The following MCF2L variants were observed in gnomAD, a reference collection of about 807,000 sequenced individuals.
MCF2L encodes the protein MCF.2 cell line derived transforming sequence like.
In MCF2L, 97 loss-of-function variants were observed where a neutral mutation model predicts 153.4. That is an observed-to-expected ratio of 0.63 (90% CI 0.54 to 0.75). The LOEUF (loss-of-function observed/expected upper bound fraction) is 0.75, where lower values mean the gene tolerates loss of function less well. Ranked by LOEUF, MCF2L falls within the 30% of genes least tolerant of loss-of-function variation. The pLI, the probability that MCF2L is intolerant of heterozygous loss-of-function variation, is 0.00. For missense variants in MCF2L, 1,347 were observed against 1,495.2 expected (o/e 0.90, Z 1.64); for synonymous variants, 659 against 632.2 (o/e 1.04, Z -0.64).
At chr13:113,024,604 G>C in intron 2 of MCF2L, 40 bp from the exon 3 acceptor site, 1 of 1,395,938 alleles carries the variant, frequency 7.2e-7, no homozygotes, top group Non-Finnish European at 1.0e-6. Context: ...CCGGGGGCAT[G>C]GAGCCCTCGG....
intron 2 of MCF2L, among the ~76,000 whole-genome samples, chr13:112,926,259 A>G (rs2081401670): frequency 6.6e-6 from 1 of 151,376 alleles, no homozygotes; most frequent in Admixed American, 6.6e-5. Context: ...GGAGTGCACT[A>G]TGGCCTGGTC....
At chr13:112,952,124 C>G (rs780376497) in intron 2 of MCF2L, among the ~76,000 whole-genome samples, 25 of 152,176 alleles carry the variant, frequency 1.6e-4, no homozygotes, top group Non-Finnish European at 3.2e-4. Context: ...GGTGTTGAGC[C>G]TTTGAAACAC....
chr13:113,057,599 CTGTGTGTT>C (rs1401939314), intron 4 of MCF2L, among the ~76,000 whole-genome samples: 268 of 121,506 alleles, frequency 2.2e-3, no homozygotes, highest in South Asian at 8.9e-3. Context: ...TGTTTGGGTG[CTGTGTGTT>C]TGAGTGCTGT....
intron 1 of MCF2L, chr13:113,002,096 C>T: frequency 2.4e-6 from 3 of 1,275,480 alleles, no homozygotes; most frequent in Middle Eastern, 2.8e-4. Context: ...TCAGAGGCTG[C>T]TGGGGCAGAA....
upstream of MCF2L, chr13:112,965,118 AG>A (rs1194638968): frequency 1.3e-5 from 2 of 152,604 alleles, no homozygotes; most frequent in African/African-American, 4.8e-5. Flanking sequence ...CCATAAAAAA[AG>A]TCAGAAGTCC....
chr13:112,984,241 T>G (rs1380816384), intron 1 of MCF2L, among the ~76,000 whole-genome samples: 1 of 136,858 alleles, frequency 7.3e-6, no homozygotes. Context: ...GAAATTCTCC[T>G]TTTTTTTTTT....
intron 4 of MCF2L, among the ~76,000 whole-genome samples, chr13:113,057,273 GGGTGCTGTGT>G (rs2030174664): frequency 2.0e-5 from 3 of 150,250 alleles, no homozygotes; most frequent in South Asian, 2.1e-4. Context: ...GGTGCTGAGT[GGGTGCTGTGT>G]TTGGGTGCTG....
intron 1 of MCF2L, among the ~76,000 whole-genome samples, chr13:112,995,584 TG>T (rs2083092793): frequency 6.6e-6 from 1 of 152,200 alleles, no homozygotes; most frequent in Non-Finnish European, 1.5e-5. Flanking sequence ...TGCGGCGTTG[TG>T]GCTCCAAGGC....
At position 113,078,706 on chromosome 13, in the gene MCF2L, G is replaced by T; in HGVS notation, c.1775G>T (p.Gly592Val). 1 of 1,609,458 alleles carries T rather than the reference G, an allele frequency of 6.2e-7. No individual in the cohort carries two copies. The change falls in exon 15 of 30, where the codon GGG (glycine) becomes GTG (valine). Residue 592 changes from glycine to valine, a missense_variant. Around this residue, in one of 3 missense-constraint regions of MCF2L, gnomAD observed 820 missense variants for 921.2 expected, o/e 0.89. Transcript: ENST00000535094. ...SESRQGRGSA[G>V]EEEESLAILR... ...AGCCGGCAGGGCCGCGGCTCAGCGG[G>T]GGAGGAGGAGGAAAGCCTGGCCATC... is the stretch of plus-strand genomic sequence containing the variant.
chr13:112,917,470 C>T (rs955075392), intron 2 of MCF2L: 24 of 316,046 alleles, frequency 7.6e-5, no homozygotes, highest in Admixed American at 1.3e-4. Flanking sequence ...GCTGCCTCTG[C>T]GCCTGTCCCT....
chr13:113,042,032 A>T (rs2086527846), intron 3 of MCF2L, among the ~76,000 whole-genome samples: 2 of 152,156 alleles, frequency 1.3e-5, no homozygotes. Context: ...GAATAGCTGT[A>T]GGGCTGTTGG....
rs540405247 is a variant in MCF2L at position 113,089,748 on chromosome 13, G to A, written c.2953+20G>A. 2.4e-5 allele frequency: 38 copies of A among 1,605,350 alleles called. No homozygotes were observed. The highest frequency in any genetic ancestry group is 1.7e-4 in the Middle Eastern group (1 of 6,034). On this transcript the variant is annotated intron_variant, in intron 26 of 29. Transcript: ENST00000535094. ...GCAAAGGTGGGTATGTGCAGGGACC[G>A]GGCCTCACACGGAGGCCTCACACGG...
Position 112,993,246 on chromosome 13 carries a change from C to T in MCF2L, c.80-21517C>T, listed in dbSNP as rs560213663. ...CCCCGGTGAAGCCACGTGATGTCTTCGTGTGAACATGGTGGCGGGGGAGCG... is the reference window on the plus strand; with the variant it reads ...CCCCGGTGAAGCCACGTGATGTCTTTGTGTGAACATGGTGGCGGGGGAGCG... On this transcript the variant is annotated intron_variant, in intron 1 of 29. Transcript: ENST00000535094. The surrounding 1 kb of genome is among the most constrained non-coding windows in gnomAD (Gnocchi z 4.6). Among the ~76,000 whole-genome samples, 45 of 152,294 alleles carry T rather than the reference C, an allele frequency of 3.0e-4. No homozygotes were observed. Among genetic ancestry groups the T allele is most frequent in the Middle Eastern group, 3.4e-3 (1 of 294 alleles).
At chr13:113,094,699 C>A in intron 27 of MCF2L, 64 bp downstream of exon 27, 1 of 1,551,652 alleles carries the variant, frequency 6.4e-7, no homozygotes, top group Non-Finnish European at 8.7e-7. Flanking sequence ...AGGGGTGCTT[C>A]TGGCAGGTCC....
At chr13:113,081,069 T>C (rs2141989277) in intron 15 of MCF2L, 144 bp from the exon 16 acceptor site, 1 of 629,448 alleles carries the variant, frequency 1.6e-6, no homozygotes, top group South Asian at 2.2e-5. Context: ...CCGAGGAGCG[T>C]CCAGCCTGTG....
intron 2 of MCF2L, among the ~76,000 whole-genome samples, chr13:112,915,771 C>T (rs1202108750): frequency 5.9e-5 from 9 of 152,096 alleles, no homozygotes; most frequent in East Asian, 1.9e-4. Context: ...ATCTCCTGGA[C>T]GTGATTAAGT....
intron 2 of MCF2L, among the ~76,000 whole-genome samples, chr13:112,946,752 C>A (rs1191435727): frequency 1.3e-5 from 2 of 152,158 alleles, no homozygotes; most frequent in Admixed American, 6.5e-5. Context: ...GGATGCGTAT[C>A]CCGTGGCTTT....
intron 26 of MCF2L, among the ~76,000 whole-genome samples, chr13:113,092,810 A>G (rs516497): frequency 0.99 from 151,051 of 152,364 alleles, 74,892 homozygotes; most frequent in South Asian, 1. Context: ...GTTCCAGCAC[A>G]GCGCTCTTGA....
intron 1 of MCF2L, chr13:113,001,926 C>T (rs1383722054): frequency 6.9e-6 from 11 of 1,594,532 alleles, no homozygotes; most frequent in Non-Finnish European, 1.7e-6. Context: ...GGTGCGCCGG[C>T]TGTCACTGCT....
Sources: allele counts gnomAD v4.1 joint callset (sites outside exome capture counted in the v4.1 genomes callset), GRCh38; gene constraint gnomAD v4.1.1; regional missense constraint gnomAD v4.1.1; non-coding constraint Gnocchi (gnomAD v3.1); transcripts MANE v1.5; gene names NCBI Gene and HGNC (gene_info 2026-07-23, HGNC 2026-07-21).